Variants in EVL observed in about 807,000 individuals in gnomAD.
The protein encoded by EVL is Enah/Vasp-like.
EVL carries 21 observed loss-of-function variants against 59.6 expected under a neutral mutation model. The observed-to-expected ratio is 0.35, with a 90% CI of 0.25 to 0.51. The LOEUF is 0.51. Among genes scored for constraint, EVL ranks in the 20% least tolerant of loss-of-function variants. The probability of loss-of-function intolerance (pLI) is 0.97; values close to 1 mark genes in which losing one functional copy is unlikely to be tolerated. For synonymous variants in EVL, 198 were observed against 203.5 expected, an observed-to-expected ratio of 0.97 and a Z score of 0.23; for missense variants, 462 against 546.6, an observed-to-expected ratio of 0.85 and a Z score of 1.54.
intron 1 of EVL, among the ~76,000 whole-genome samples, chr14:100,057,565 T>G (rs796723905): frequency 5.9e-5 from 9 of 152,308 alleles, no homozygotes; most frequent in African/African-American, 2.2e-4. Context: ...CAGTTGGACT[T>G]CACAGAGCAG....
At chr14:100,053,213 G>A (rs182670266) in intron 1 of EVL, among the ~76,000 whole-genome samples, 152 of 152,270 alleles carry the variant, frequency 1.0e-3, no homozygotes, top group Admixed American at 4.6e-3. Flanking sequence ...GCAAAAGAAA[G>A]ATTAACATAA....
chr14:100,097,697 C>T (rs1244808527), intron 3 of EVL, 39 bp downstream of exon 3: 3 of 1,558,004 alleles, frequency 1.9e-6, no homozygotes, highest in East Asian at 2.3e-5. Context: ...CTGAGACCCT[C>T]TCTTGTTCTA....
intron 1 of EVL, among the ~76,000 whole-genome samples, chr14:100,048,616 A>C (rs1266830087): frequency 6.6e-6 from 1 of 152,200 alleles, no homozygotes; most frequent in Admixed American, 6.5e-5. Context: ...GCAATCCTAC[A>C]TAGTCAGCCT....
chr14:100,083,108 G>A (rs1030322766), intron 1 of EVL, among the ~76,000 whole-genome samples: 1 of 152,212 alleles, frequency 6.6e-6, no homozygotes, highest in African/African-American at 2.4e-5. Context: ...AAATGGTAGA[G>A]CTGGGCACCA....
rs1206322958 is a variant in EVL, at chr14:100,118,777, T to C, written c.359-4762T>C. 2.6e-5 allele frequency among the ~76,000 whole-genome samples: 4 copies of C among 152,138 alleles called. No homozygotes were observed. The South Asian group carries it at 8.3e-4, about 32-fold the overall frequency. The stretch of plus-strand genomic sequence containing the variant: ...GTCTGGCCCAGCCTTCCCTCCCCTC[T>C]TGTGTGTTTCTCCCCAGCTCATGGC... On this transcript the variant is annotated intron_variant, in intron 3 of 13. Coordinates refer to ENST00000392920, the MANE Select transcript of EVL (RefSeq NM_016337.3).
At chr14:100,053,338 G>A (rs1487987802) in intron 1 of EVL, among the ~76,000 whole-genome samples, 1 of 151,786 alleles carries the variant, frequency 6.6e-6, no homozygotes, top group Non-Finnish European at 1.5e-5. Context: ...CAGTTGGTTG[G>A]AAAACTATAG....
At chr14:100,137,861 G>A (rs374777628) in intron 11 of EVL, 59 bp downstream of exon 11, 201 of 1,506,064 alleles carry the variant, frequency 1.3e-4, no homozygotes, top group East Asian at 4.3e-4. Flanking sequence ...TCTGTCCCCC[G>A]TCCCGTGACT....
intron 3 of EVL, among the ~76,000 whole-genome samples, chr14:100,104,369 A>G (rs1285772739): frequency 6.6e-6 from 1 of 152,156 alleles, no homozygotes; most frequent in African/African-American, 2.4e-5. Flanking sequence ...TTCATTGTTG[A>G]TCAGATCTCT....
intron 2 of EVL, among the ~76,000 whole-genome samples, chr14:100,090,522 T>C (rs1200209212): frequency 6.6e-6 from 1 of 152,224 alleles, no homozygotes; most frequent in Admixed American, 6.5e-5. Context: ...CAAGTTATTA[T>C]TTCTAATGAA....
At chr14:100,118,876 C>G (rs961893209) in intron 3 of EVL, among the ~76,000 whole-genome samples, 1 of 152,228 alleles carries the variant, frequency 6.6e-6, no homozygotes, top group Admixed American at 6.5e-5. Flanking sequence ...AACTTAGACT[C>G]GAAGCTGGAA....
At chr14:100,001,399 A>G (rs974622573) in intron 1 of EVL, among the ~76,000 whole-genome samples, 1 of 152,268 alleles carries the variant, frequency 6.6e-6, no homozygotes, top group Non-Finnish European at 1.5e-5. Context: ...GAATCTAGCA[A>G]CAGGTGTGTT....
chr14:100,072,855 G>A (rs2062077373), intron 1 of EVL, among the ~76,000 whole-genome samples: 1 of 152,196 alleles, frequency 6.6e-6, no homozygotes, highest in African/African-American at 2.4e-5. Context: ...GCTGGGTTTT[G>A]CTGCGTCGCC....
At chr14:100,142,705 C>T (rs1889263062) in intron 13 of EVL, among the ~76,000 whole-genome samples, 1 of 152,120 alleles carries the variant, frequency 6.6e-6, no homozygotes, top group South Asian at 2.1e-4. Flanking sequence ...CACTCAGTTC[C>T]TGTTTGTCCA....
intron 1 of EVL, among the ~76,000 whole-genome samples, chr14:100,059,321 A>G (rs1354768785): frequency 2.0e-5 from 3 of 152,206 alleles, no homozygotes; most frequent in African/African-American, 7.2e-5. Flanking sequence ...TAGTCTTGGC[A>G]TGGAGTGGTG....
At chr14:100,078,258 C>A (rs1055398450) in intron 1 of EVL, among the ~76,000 whole-genome samples, 4 of 152,166 alleles carry the variant, frequency 2.6e-5, no homozygotes, top group African/African-American at 4.8e-5. Flanking sequence ...ACTCTTCAAG[C>A]CTTTCCCTGG....
intron 1 of EVL, among the ~76,000 whole-genome samples, chr14:100,034,753 C>G (rs547294985): frequency 6.6e-6 from 1 of 151,858 alleles, no homozygotes; most frequent in Non-Finnish European, 1.5e-5. Context: ...AAAAAAAATG[C>G]GTAAGATAAA....
intron 1 of EVL, among the ~76,000 whole-genome samples, chr14:100,072,626 A>C (rs2062072336): frequency 6.6e-6 from 1 of 152,198 alleles, no homozygotes. Context: ...AAAGAAATGT[A>C]TGCTCAGGTC....
chr14:100,064,945 C>T (rs951381679), upstream of EVL, among the ~76,000 whole-genome samples: 2 of 152,154 alleles, frequency 1.3e-5, no homozygotes, highest in South Asian at 2.1e-4. Context: ...CAGCTTATAG[C>T]CTTTATCATC....
In EVL at chr14:99,975,659, A is replaced by G. The variant is rs145414505; in HGVS notation, c.5+3602A>G. 5.9e-5 allele frequency among the ~76,000 whole-genome samples: 9 copies of G among 152,258 alleles called. No individual in the cohort carries two copies. The East Asian group carries it at 1.7e-3, about 29-fold the overall frequency. Reference sequence around the variant, plus strand: ...GGATCCCTTGCGTGCACAGTTCACAATAGGGTTCACGCTTCTATGAGAATC... The same window carrying G: ...GGATCCCTTGCGTGCACAGTTCACAGTAGGGTTCACGCTTCTATGAGAATC... On this transcript the variant is annotated intron_variant, in intron 1 of 13. Coordinates refer to the EVL transcript ENST00000402714.
Sources: allele counts gnomAD v4.1 joint callset (sites outside exome capture counted in the v4.1 genomes callset), GRCh38; gene constraint gnomAD v4.1.1; transcripts MANE v1.5; gene names NCBI Gene and HGNC (gene_info 2026-07-23, HGNC 2026-07-21).